ITGAE: variants seen among roughly 807,000 people sequenced by gnomAD.
ITGAE encodes integrin subunit alpha E, also known as integrin alpha-E.
Under a neutral mutation model 136.5 loss-of-function variants are expected in ITGAE, and 99 were observed. The observed-to-expected ratio is 0.73, with a 90% confidence interval of 0.62 to 0.86. The LOEUF (loss-of-function observed/expected upper bound fraction) is 0.86. Among genes scored for constraint, ITGAE ranks in the 40% least tolerant of loss-of-function variants. The pLI is 0.00. For missense variants in ITGAE, 1,447 were observed against 1,515.3 expected (o/e 0.95, Z 0.75); for synonymous variants, 613 against 591.8 (o/e 1.04, Z -0.52).
chr17:3,794,237 A>C (rs978255268), intron 1 of ITGAE, among the ~76,000 whole-genome samples: 1 of 151,966 alleles, frequency 6.6e-6, no homozygotes, highest in African/African-American at 2.4e-5. Flanking sequence ...TCGGCCTCCT[A>C]AAGTGCTGGA....
At chr17:3,723,963 A>G (rs773870739) in intron 26 of ITGAE, 1 of 1,570,944 alleles carries the variant, frequency 6.4e-7, no homozygotes, top group South Asian at 1.1e-5. Flanking sequence ...GGGACCTGGG[A>G]GCCGGCTTTT....
rs184973458 is a variant in ITGAE at position 3,739,211 on chromosome 17, G to A, written c.2522+594C>T. On this transcript the variant is annotated intron_variant, in intron 20 of 30. Transcript: ENST00000263087. ...TGTCACCCTCCGTGACCACCCCATT[G>A]AAAACTTCAGCATCAGCTGCCACCC... Among the ~76,000 whole-genome samples, 1,132 of 152,140 alleles carry A rather than the reference G, an allele frequency of 7.4e-3. 17 individuals are homozygous for A. Among genetic ancestry groups the A allele is most frequent in the Middle Eastern group, 0.01 (3 of 294 alleles).
intron 2 of ITGAE, among the ~76,000 whole-genome samples, chr17:3,775,391 T>C (rs1159151621): frequency 6.6e-6 from 1 of 152,232 alleles, no homozygotes; most frequent in Non-Finnish European, 1.5e-5. Context: ...TCAGTATTTT[T>C]CCCATTTTCC....
At chr17:3,743,353 T>C (rs2051631103) in intron 19 of ITGAE, 136 bp downstream of exon 19, 2 of 981,994 alleles carry the variant, frequency 2.0e-6, no homozygotes, top group East Asian at 5.4e-5. Context: ...AGTTTCACCA[T>C]GAGTACGGTG....
At chr17:3,735,438 A>G (rs2051439867) in intron 20 of ITGAE, among the ~76,000 whole-genome samples, 1 of 152,196 alleles carries the variant, frequency 6.6e-6, no homozygotes, top group Admixed American at 6.5e-5. Context: ...AAGTGCTGGG[A>G]TTACAGGCGT....
At chr17:3,743,032 G>A (rs1408270307) in intron 19 of ITGAE, among the ~76,000 whole-genome samples, 1 of 152,230 alleles carries the variant, frequency 6.6e-6, no homozygotes, top group Non-Finnish European at 1.5e-5. Context: ...ATACAGGTTT[G>A]GTGGGGCCAT....
chr17:3,727,840 A>T, intron 26 of ITGAE, 79 bp downstream of exon 26: 1 of 927,450 alleles, frequency 1.1e-6, no homozygotes, highest in Non-Finnish European at 1.8e-6. Context: ...CTCTGTTTCT[A>T]GAACTCTGGT....
intron 24 of ITGAE, chr17:3,729,266 A>G (rs960809684): frequency 3.7e-5 from 20 of 539,450 alleles, no homozygotes; most frequent in African/African-American, 2.3e-4. Flanking sequence ...CTAGTTGGCA[A>G]TACACCTCCT....
chr17:3,783,988 C>T (rs1341640881), intron 1 of ITGAE, among the ~76,000 whole-genome samples: 15 of 152,222 alleles, frequency 9.9e-5, no homozygotes, highest in Admixed American at 8.5e-4. Context: ...CAGCGGGGCG[C>T]GGCGGCTCAC....
chr17:3,761,814 G>T, intron 4 of ITGAE, 101 bp downstream of exon 4: 1 of 1,046,126 alleles, frequency 9.6e-7, no homozygotes, highest in Non-Finnish European at 1.4e-6. Flanking sequence ...CTCAGCCTCG[G>T]GAACAGCATG....
intron 26 of ITGAE, chr17:3,724,272 C>T (rs2051150394): frequency 3.1e-6 from 5 of 1,590,246 alleles, no homozygotes; most frequent in Non-Finnish European, 4.3e-6. Flanking sequence ...AACCGTGACC[C>T]CAAGACGCCT....
At chr17:3,785,805 G>A (rs1282731705) in intron 1 of ITGAE, among the ~76,000 whole-genome samples, 1 of 150,680 alleles carries the variant, frequency 6.6e-6, no homozygotes, top group Non-Finnish European at 1.5e-5. Context: ...AAAAAAAAGA[G>A]AACACACAAA....
At chr17:3,725,134 CAG>C in intron 26 of ITGAE, 1 of 1,614,180 alleles carries the variant, frequency 6.2e-7, no homozygotes, top group Non-Finnish European at 8.5e-7. Context: ...ACTGATGTGT[CAG>C]AGGTCTGCAG....
intron 1 of ITGAE, among the ~76,000 whole-genome samples, chr17:3,782,880 G>A (rs1039280511): frequency 1.3e-5 from 2 of 152,148 alleles, no homozygotes; most frequent in Admixed American, 1.3e-4. Context: ...CTCACGGGAA[G>A]ACACACTCAC....
chr17:3,720,530 A>C (rs1432594485), intron 28 of ITGAE, 128 bp from the exon 29 acceptor site: 1 of 576,730 alleles, frequency 1.7e-6, no homozygotes, highest in East Asian at 3.0e-5. Flanking sequence ...CCTAACGTAC[A>C]CAACACTACA....
chr17:3,790,521 C>A (rs1036931471), intron 1 of ITGAE, among the ~76,000 whole-genome samples: 1 of 151,832 alleles, frequency 6.6e-6, no homozygotes, highest in South Asian at 2.1e-4. Context: ...AACACACACA[C>A]ACACACACAC....
chr17:3,767,296 C>T (rs1332764191), intron 2 of ITGAE, among the ~76,000 whole-genome samples: 6 of 152,116 alleles, frequency 3.9e-5, no homozygotes, highest in Non-Finnish European at 8.8e-5. Flanking sequence ...GGGGTTTTCA[C>T]CATGTTGGCC....
In ITGAE at chr17:3,800,247, G is replaced by A. The variant is rs980667885; in HGVS notation, c.34+864C>T. Among the ~76,000 whole-genome samples the A allele has an allele frequency of 7.2e-5, 11 of 152,336 alleles. No individual in the cohort carries two copies. In the South Asian group the frequency reaches 2.3e-3, roughly 32 times the overall value. ...GCCCCAGGTGGGATGCTAATCCCAA[G>A]TCCCCTCCCAGCACAGCCTCAGCCC... On this transcript the variant is annotated intron_variant, in intron 1 of 30. Coordinates refer to ENST00000263087, the MANE Select transcript of ITGAE (RefSeq NM_002208.5).
rs755391583 is a variant in ITGAE at position 3,724,968 on chromosome 17, GCAA to G, written c.3085-1227_3085-1225del. 1.9e-6 allele frequency: 3 copies of G among 1,614,126 alleles called. No individual in the cohort carries two copies. In the East Asian group the frequency reaches 6.7e-5, roughly 36 times the overall value. ...AAGCCGGAAGAGCAAACATCAGGAG[GCAA>G]CGGAAACCTCTCTCCTCCATTCCCA... On this transcript the variant is annotated intron_variant, in intron 26 of 30. Transcript: ENST00000263087.
Sources: gnomAD v4.1 joint callset for allele counts (sites outside exome capture counted in the v4.1 genomes callset) on GRCh38, gnomAD v4.1.1 for gene constraint, MANE v1.5 for transcripts, NCBI Gene and HGNC (gene_info 2026-07-23, HGNC 2026-07-21) for gene names.